SNX29: variants seen among roughly 807,000 people sequenced by gnomAD.
SNX29 encodes the protein sorting nexin-29.
Under a neutral mutation model 102.1 loss-of-function variants are expected in SNX29, and 78 were observed. The ratio of observed to expected loss-of-function variants is 0.76; its 90% CI spans 0.64 to 0.92. The LOEUF is 0.92. Among genes scored for constraint, SNX29 ranks in the 40% least tolerant of loss-of-function variants. The pLI is 0.00. For missense variants in SNX29, 1,280 were observed against 1,061.7 expected (o/e 1.21, Z -2.86); for synonymous variants, 580 against 414.5 (o/e 1.40, Z -4.85).
intron 14 of SNX29, among the ~76,000 whole-genome samples, chr16:12,270,802 G>T (rs2079068829): frequency 6.6e-6 from 1 of 152,088 alleles, no homozygotes; most frequent in African/African-American, 2.4e-5. Flanking sequence ...AGCACTTTGG[G>T]AGGGCAAGGC....
intron 16 of SNX29, among the ~76,000 whole-genome samples, chr16:12,380,746 CCCA>C (rs2083073701): frequency 7.9e-6 from 1 of 126,562 alleles, no homozygotes; most frequent in Non-Finnish European, 1.7e-5. Flanking sequence ...CATCCATCCA[CCCA>C]CCATCCATCC....
At chr16:12,460,043 G>C (rs374268067) in intron 18 of SNX29, among the ~76,000 whole-genome samples, 1 of 152,202 alleles carries the variant, frequency 6.6e-6, no homozygotes, top group Admixed American at 6.5e-5. Flanking sequence ...AGAAGCTCCT[G>C]ATTCTGTAAA....
At chr16:12,487,487 G>C (rs768897191) in intron 19 of SNX29, among the ~76,000 whole-genome samples, 2 of 152,134 alleles carry the variant, frequency 1.3e-5, no homozygotes, top group African/African-American at 4.8e-5. Context: ...TAAGCATCTT[G>C]CCCAAGCTCC....
intron 20 of SNX29, among the ~76,000 whole-genome samples, chr16:12,535,156 T>G (rs1378971340): frequency 6.6e-6 from 1 of 152,220 alleles, no homozygotes; most frequent in Non-Finnish European, 1.5e-5. Flanking sequence ...TTCATTTCTT[T>G]GAGACAGAGT....
Position 12,284,922 on chromosome 16 carries a change from C to T in SNX29, c.1782+6886C>T, listed in dbSNP as rs139869882. 4.9e-3 allele frequency among the ~76,000 whole-genome samples: 746 copies of T among 152,118 alleles called. 37 individuals are homozygous for T. The East Asian group carries it at 0.11, about 23-fold the overall frequency. On this transcript the variant is annotated intron_variant, in intron 15 of 20. Coordinates refer to ENST00000566228, the MANE Select transcript of SNX29 (RefSeq NM_032167.5). ...TATATTTTTAACAGAGATGGGGTTTCGCCGTGTTGGCCAGGCTGGTCTCGA... is the reference window on the plus strand; with the variant it reads ...TATATTTTTAACAGAGATGGGGTTTTGCCGTGTTGGCCAGGCTGGTCTCGA...
intron 15 of SNX29, among the ~76,000 whole-genome samples, chr16:12,293,942 C>G (rs1354052047): frequency 6.6e-6 from 1 of 152,222 alleles, no homozygotes; most frequent in Non-Finnish European, 1.5e-5. Context: ...CGGTATTACT[C>G]TCATCCTCGC....
At chr16:12,195,021 A>C (rs1393278508) in intron 13 of SNX29, among the ~76,000 whole-genome samples, 1 of 152,246 alleles carries the variant, frequency 6.6e-6, no homozygotes, top group Non-Finnish European at 1.5e-5. Flanking sequence ...TAATTTTATC[A>C]TATAGAAATG....
At chr16:12,114,761 G>C (rs1235745230) in intron 11 of SNX29, among the ~76,000 whole-genome samples, 2 of 151,786 alleles carry the variant, frequency 1.3e-5, no homozygotes, top group African/African-American at 4.8e-5. Flanking sequence ...TAATTTTTTT[G>C]TATTTTTAGT....
At chr16:12,127,539 A>C (rs909578697) in intron 12 of SNX29, among the ~76,000 whole-genome samples, 15 of 151,298 alleles carry the variant, frequency 9.9e-5, no homozygotes, top group Admixed American at 9.9e-4. Context: ...CTCCAGCGTC[A>C]GCCTTCTGAG....
intron 11 of SNX29, among the ~76,000 whole-genome samples, chr16:12,118,863 C>T (rs934979971): frequency 6.6e-6 from 1 of 152,124 alleles, no homozygotes; most frequent in African/African-American, 2.4e-5. Context: ...CATTCACTGT[C>T]CCCTGTCTGC....
rs547811695 is a variant in SNX29 at position 12,386,911 on chromosome 16, G to T, written c.1900-11535G>T. 5.1e-4 allele frequency among the ~76,000 whole-genome samples: 77 copies of T among 152,064 alleles called. 1 individual carries two copies. The highest frequency in any genetic ancestry group is 1.9e-3 in the African/African-American group (77 of 41,486). Reference sequence around the variant, plus strand: ...AGGCCAAGGCGGGTGGATCACTTGAGGTCAGGAATTCAAGACTAGCCTGGC... The same window carrying T: ...AGGCCAAGGCGGGTGGATCACTTGATGTCAGGAATTCAAGACTAGCCTGGC... On this transcript the variant is annotated intron_variant, in intron 16 of 20. Coordinates refer to ENST00000566228, the MANE Select transcript of SNX29 (RefSeq NM_032167.5).
intron 3 of SNX29, among the ~76,000 whole-genome samples, chr16:12,005,337 C>T (rs1187233547): frequency 1.3e-5 from 2 of 152,106 alleles, no homozygotes; most frequent in African/African-American, 4.8e-5. Context: ...TGTCTAAGTC[C>T]TGTCCTAGTT....
intron 15 of SNX29, among the ~76,000 whole-genome samples, chr16:12,287,500 T>C (rs1161817393): frequency 6.6e-6 from 1 of 152,166 alleles, no homozygotes; most frequent in Non-Finnish European, 1.5e-5. Flanking sequence ...CCACTTACCC[T>C]CCTGTTTCCC....
At chr16:12,431,434 C>CTTCTTTTTTTT (rs779738786) in intron 18 of SNX29, among the ~76,000 whole-genome samples, 1 of 136,942 alleles carries the variant, frequency 7.3e-6, no homozygotes, top group Non-Finnish European at 1.6e-5. Context: ...TCTTCTTCTT[C>CTTCTTTTTTTT]TTTTTTTTTT....
chr16:11,992,324 T>G (rs2055884523), intron 1 of SNX29, among the ~76,000 whole-genome samples: 1 of 151,922 alleles, frequency 6.6e-6, no homozygotes, highest in African/African-American at 2.4e-5. Context: ...GAGGTGAAAT[T>G]CACAAAACAA....
chr16:12,562,791 C>G (rs899210993), intron 20 of SNX29, among the ~76,000 whole-genome samples: 9 of 152,162 alleles, frequency 5.9e-5, no homozygotes, highest in East Asian at 5.8e-4. Flanking sequence ...CCATCACCAT[C>G]AAGATGTGGA....
chr16:12,000,052 A>G (rs1177460381), intron 2 of SNX29, among the ~76,000 whole-genome samples: 1 of 152,096 alleles, frequency 6.6e-6, no homozygotes, highest in Admixed American at 6.6e-5. Context: ...AGGAGGATGG[A>G]GGCCACGCCT....
chr16:11,998,983 G>C (rs2056188575), intron 1 of SNX29, among the ~76,000 whole-genome samples: 2 of 152,162 alleles, frequency 1.3e-5, no homozygotes. Flanking sequence ...TATAACTCAG[G>C]GGTTTGTGTG....
chr16:12,549,091 CA>C (rs2077796668), intron 20 of SNX29, among the ~76,000 whole-genome samples: 1 of 152,202 alleles, frequency 6.6e-6, no homozygotes, highest in African/African-American at 2.4e-5. Flanking sequence ...CTCCCTGTTA[CA>C]GTGTCATTTC....
Sources: gnomAD v4.1 joint callset for allele counts (sites outside exome capture counted in the v4.1 genomes callset) on GRCh38, gnomAD v4.1.1 for gene constraint, MANE v1.5 for transcripts, NCBI Gene and HGNC (gene_info 2026-07-23, HGNC 2026-07-21) for gene names.